Variants in KTN1 observed in about 807,000 individuals in gnomAD.
KTN1 encodes kinectin 1.
Under a neutral mutation model 222.5 loss-of-function variants are expected in KTN1, and 130 were observed. The ratio of observed to expected loss-of-function variants is 0.58; its 90% confidence interval spans 0.51 to 0.68. The LOEUF is 0.68. Among genes scored for constraint, KTN1 ranks in the 30% least tolerant of loss-of-function variants. The pLI, the probability that KTN1 is intolerant of heterozygous loss-of-function variation, is 0.00. For synonymous variants in KTN1, 512 were observed against 496.3 expected (o/e 1.03, Z -0.42); for missense variants, 1,508 against 1,500.4 (o/e 1.01, Z -0.08).
intron 3 of KTN1, among the ~76,000 whole-genome samples, chr14:55,617,400 T>G (rs936450207): frequency 2.6e-5 from 4 of 152,144 alleles, no homozygotes; most frequent in Admixed American, 1.3e-4. Context: ...CCATTAAAAT[T>G]AGGAACAAAA....
At position 55,661,252 on chromosome 14, in the gene KTN1, C is replaced by A. The variant is rs140804603; in HGVS notation, c.3000-270C>A. The A allele has an allele frequency of 1.0e-3, 274 of 263,780 alleles. 3 individuals are homozygous for A. In the East Asian group the frequency reaches 0.018, roughly 17 times the overall value. 16.3% of individuals were successfully genotyped at this position (263,780 alleles called of 1,614,324 possible). On this transcript the variant is annotated intron_variant, in intron 31 of 43. Coordinates refer to ENST00000395314, the MANE Select transcript of KTN1 (RefSeq NM_001079521.2). ...TATAAATAGCTACAACAGTTCATAT[C>A]TTCATAATATGTTTCTTAGGGGATG...
intron 1 of KTN1, among the ~76,000 whole-genome samples, chr14:55,583,197 T>C (rs185482652): frequency 8.5e-5 from 13 of 152,270 alleles, no homozygotes; most frequent in Admixed American, 5.2e-4. Context: ...AGAGAAATAA[T>C]GACAGTTTAC....
chr14:55,640,333 G>A (rs2296181), intron 14 of KTN1, 41 bp from the exon 15 acceptor site: 110,571 of 1,281,550 alleles, frequency 0.086, 5,117 homozygotes, highest in South Asian at 0.1. Flanking sequence ...TTTAAAATCA[G>A]TTGTATTAAG....
At chr14:55,670,508 G>C (rs1001560708) in intron 34 of KTN1, among the ~76,000 whole-genome samples, 1 of 151,984 alleles carries the variant, frequency 6.6e-6, no homozygotes, top group Non-Finnish European at 1.5e-5. Flanking sequence ...TTATTTTGAT[G>C]GTAGGTACAT....
At position 55,633,518 on chromosome 14, in the gene KTN1, T is replaced by C. The variant is rs374861510; in HGVS notation, c.1328+177T>C. On this transcript the variant is annotated intron_variant, in intron 8 of 43. Transcript: ENST00000395314. ...GCTTTGTGAAGAACTTCTTCAGTTA[T>C]ACATATGTAAACTATGTTATATTAA... Among the ~76,000 whole-genome samples the C allele has an allele frequency of 1.6e-4, 24 of 151,644 alleles. No homozygotes were observed. The East Asian group carries it at 4.4e-3, about 28-fold the overall frequency.
rs569334322 is a variant in KTN1, at chr14:55,635,786, A to G, written c.1462-663A>G. On this transcript the variant is annotated intron_variant, in intron 9 of 43. Transcript: ENST00000395314. ...ATTATAATAGATTCCTACCTAGGTC[A>G]TTGATAGAATTGTACTTTGATACCA... Among the ~76,000 whole-genome samples, 3 of 152,360 alleles carry G rather than the reference A, an allele frequency of 2.0e-5. 1 individual carries two copies. In the East Asian group the frequency reaches 5.8e-4, roughly 29 times the overall value.
intron 11 of KTN1, 111 bp from the exon 12 acceptor site, chr14:55,637,668 T>TAA (rs904846056): frequency 7.2e-4 from 450 of 625,342 alleles, no homozygotes; most frequent in African/African-American, 1.4e-3. Flanking sequence ...AAGAATGCCT[T>TAA]AAAAAAAAAA....
At chr14:55,661,232 A>G (rs1353805330) in intron 31 of KTN1, 1 of 211,524 alleles carries the variant, frequency 4.7e-6, no homozygotes, top group African/African-American at 2.3e-5. Flanking sequence ...AAAACTATAA[A>G]TAGCTACAAC....
chr14:55,634,634 TGAGCAAGCA>T lies in KTN1; in HGVS notation c.1439_1447del (p.Glu480_Ala482del). The T allele has an allele frequency of 6.2e-7, 1 of 1,613,516 alleles. No homozygotes were observed. Among genetic ancestry groups the T allele is most frequent in the Non-Finnish European group, 8.5e-7 (1 of 1,179,714 alleles). On this transcript the variant is annotated inframe_deletion, in exon 9 of 44. Coordinates refer to ENST00000395314, the MANE Select transcript of KTN1 (RefSeq NM_001079521.2). ...AAGAGGAAGTCCAAAAGAAGAATGC[TGAGCAAGCA>T]GCTACTCAGTTGAAGGTGATATATT...
At chr14:55,615,692 TG>T (rs2038251222) in intron 2 of KTN1, among the ~76,000 whole-genome samples, 1 of 152,120 alleles carries the variant, frequency 6.6e-6, no homozygotes, top group East Asian at 1.9e-4. Context: ...AGCTGAGGAA[TG>T]ATTGGTAGAA....
chr14:55,587,912 C>T (rs1396971646), intron 1 of KTN1, among the ~76,000 whole-genome samples: 2 of 152,094 alleles, frequency 1.3e-5, no homozygotes, highest in Non-Finnish European at 1.5e-5. Context: ...TTCTTTCACT[C>T]TTTTTTTTCT....
chr14:55,661,688 T>A (rs2044158913), intron 32 of KTN1, 76 bp downstream of exon 32: 5 of 721,038 alleles, frequency 6.9e-6, no homozygotes, highest in African/African-American at 1.8e-5. Context: ...GAATTTTTTT[T>A]AAATCTACTT....
chr14:55,671,546 CTTTA>C lies in KTN1; in HGVS notation c.3349-16_3349-13del. 6.3e-7 allele frequency: 1 copy of C among 1,578,168 alleles called. No homozygotes were observed. The highest frequency in any genetic ancestry group is 1.8e-5 in the Admixed American group (1 of 54,520). On this transcript the variant is annotated splice_polypyrimidine_tract_variant and intron_variant, in intron 35 of 43. Coordinates refer to ENST00000395314, the MANE Select transcript of KTN1 (RefSeq NM_001079521.2). Reference sequence around the variant, plus strand: ...TTTCTGGTAGAATTATGGAGTTTTTCTTTATTTCGTTCTTTGCAGGTTCTAGAGC... The same window carrying C: ...TTTCTGGTAGAATTATGGAGTTTTTCTTTCGTTCTTTGCAGGTTCTAGAGC...
chr14:55,653,606 C>G lies in KTN1; in HGVS notation c.2801+10C>G. On this transcript the variant is annotated intron_variant, in intron 28 of 43. Coordinates refer to ENST00000395314, the MANE Select transcript of KTN1 (RefSeq NM_001079521.2). ...AAGAACTTGAGATTGTGTAAGTATG[C>G]TTTAAGACCACATTTTGAAGAGAAA... 1.3e-6 allele frequency: 2 copies of G among 1,597,346 alleles called. No individual in the cohort carries two copies. Among genetic ancestry groups the G allele is most frequent in the Non-Finnish European group, 1.7e-6 (2 of 1,166,026 alleles).
At chr14:55,675,997 A>C in intron 41 of KTN1, 79 bp downstream of exon 41, 2 of 900,700 alleles carry the variant, frequency 2.2e-6, no homozygotes. Context: ...TATGCTGCTA[A>C]TTCTGGATTT....
intron 5 of KTN1, among the ~76,000 whole-genome samples, chr14:55,626,473 A>G (rs2039842919): frequency 6.6e-6 from 1 of 152,122 alleles, no homozygotes; most frequent in South Asian, 2.1e-4. Flanking sequence ...TTAGATTTTT[A>G]ACCACAGTTT....
intron 19 of KTN1, among the ~76,000 whole-genome samples, chr14:55,647,397 G>A (rs1595083484): frequency 2.6e-5 from 4 of 152,056 alleles, no homozygotes; most frequent in Admixed American, 2.0e-4. Flanking sequence ...CACTTTGGGA[G>A]GCTGAGGCGG....
chr14:55,616,033 C>T (rs1247806809), intron 2 of KTN1, among the ~76,000 whole-genome samples: 1 of 152,006 alleles, frequency 6.6e-6, no homozygotes, highest in Non-Finnish European at 1.5e-5. Context: ...CCACCTCAGC[C>T]CCAGAGTAGC....
At chr14:55,613,855 G>T (rs1230046708) in intron 2 of KTN1, among the ~76,000 whole-genome samples, 1 of 152,240 alleles carries the variant, frequency 6.6e-6, no homozygotes, top group East Asian at 1.9e-4. Context: ...AAAAGGACAC[G>T]TAAGCCAGTA....
Sources: gnomAD v4.1 joint callset for allele counts (sites outside exome capture counted in the v4.1 genomes callset) on GRCh38, gnomAD v4.1.1 for gene constraint, MANE v1.5 for transcripts, NCBI Gene and HGNC (gene_info 2026-07-23, HGNC 2026-07-21) for gene names.